Variants in DENND1A observed in about 807,000 individuals in gnomAD.
DENND1A encodes DENN domain containing 1A.
DENND1A carries 51 observed loss-of-function variants against 113.7 expected under a neutral mutation model. The ratio of observed to expected loss-of-function variants is 0.45; its 90% CI spans 0.36 to 0.57. DENND1A has a LOEUF of 0.57. Among genes scored for constraint, DENND1A ranks in the 20% least tolerant of loss-of-function variants. DENND1A has a pLI of 0.00. For missense variants in DENND1A, 1,258 were observed against 1,395.9 expected (o/e 0.90, Z 1.57); for synonymous variants, 565 against 570.8 (o/e 0.99, Z 0.14).
At chr9:123,515,154 T>A (rs546104688) in intron 13 of DENND1A, among the ~76,000 whole-genome samples, 17 of 152,362 alleles carry the variant, frequency 1.1e-4, no homozygotes, top group South Asian at 2.1e-4. Flanking sequence ...TGTGTGATCC[T>A]CGATTTGAGC....
intron 13 of DENND1A, among the ~76,000 whole-genome samples, chr9:123,512,584 T>A (rs2053549477): frequency 6.6e-6 from 1 of 152,236 alleles, no homozygotes; most frequent in Non-Finnish European, 1.5e-5. Context: ...CCACTGGCTA[T>A]TCTGCAGCCA....
At chr9:123,760,828 C>A (rs2070974716) in intron 4 of DENND1A, among the ~76,000 whole-genome samples, 1 of 152,100 alleles carries the variant, frequency 6.6e-6, no homozygotes. Flanking sequence ...GAGGGGAAAT[C>A]CTGTTTTATT....
At chr9:123,600,977 G>A (rs1326134609) in intron 11 of DENND1A, among the ~76,000 whole-genome samples, 1 of 152,158 alleles carries the variant, frequency 6.6e-6, no homozygotes, top group East Asian at 1.9e-4. Context: ...CAATCTGGCA[G>A]GAATTTGACT....
At chr9:123,900,190 A>G (rs1851386177) in intron 1 of DENND1A, among the ~76,000 whole-genome samples, 1 of 152,244 alleles carries the variant, frequency 6.6e-6, no homozygotes, top group African/African-American at 2.4e-5. Context: ...ACAAATATAA[A>G]TCCTGGGAGT....
intron 13 of DENND1A, among the ~76,000 whole-genome samples, chr9:123,481,706 T>A (rs1348487664): frequency 6.6e-6 from 1 of 152,156 alleles, no homozygotes; most frequent in Non-Finnish European, 1.5e-5. Context: ...GAGCTGAATT[T>A]GATTATGCTT....
At chr9:123,607,264 T>C (rs947692094) in intron 11 of DENND1A, among the ~76,000 whole-genome samples, 1 of 151,402 alleles carries the variant, frequency 6.6e-6, no homozygotes, top group African/African-American at 2.4e-5. Context: ...TTTGCAAGAA[T>C]CCAAGAAAGC....
intron 2 of DENND1A, among the ~76,000 whole-genome samples, chr9:123,872,317 G>T (rs777865068): frequency 6.6e-6 from 1 of 152,030 alleles, no homozygotes; most frequent in African/African-American, 2.4e-5. Context: ...TATAACAAGA[G>T]AACTTTGGAA....
chr9:123,912,376 G>T (rs973376595), intron 1 of DENND1A, among the ~76,000 whole-genome samples: 3 of 152,134 alleles, frequency 2.0e-5, no homozygotes, highest in Admixed American at 2.0e-4. Context: ...CACATTGTTG[G>T]AGCCAGAGAA....
intron 13 of DENND1A, among the ~76,000 whole-genome samples, chr9:123,473,015 C>G (rs2049575904): frequency 6.6e-6 from 1 of 152,242 alleles, no homozygotes; most frequent in Non-Finnish European, 1.5e-5. Flanking sequence ...ACGCTCACCT[C>G]TGCTGTAGCA....
intron 20 of DENND1A, among the ~76,000 whole-genome samples, chr9:123,407,168 G>A (rs1333841012): frequency 1.4e-5 from 2 of 140,292 alleles, no homozygotes; most frequent in African/African-American, 2.6e-5. Context: ...GGGGAGGGGC[G>A]GGGGGGTGGG....
rs111561874 is a variant in DENND1A, at chr9:123,786,211, C to CAA, written c.132+6374_132+6375dup. On this transcript the variant is annotated intron_variant, in intron 3 of 23. Coordinates refer to ENST00000394215, the MANE Select transcript of DENND1A (RefSeq NM_001352964.2). ...TCTAGGCAACAGAGCAAGACTGTCT[C>CAA]AAAAAAAAAAAAGAAAGAAAGAAAT... Among the ~76,000 whole-genome samples the CAA allele has an allele frequency of 5.1e-5, 7 of 136,306 alleles. No individual in the cohort carries two copies. The East Asian group carries it at 1.5e-3, about 29-fold the overall frequency. The allele number at this position is 136,306 out of a possible 152,430, so 89.4% of individuals were successfully genotyped here.
chr9:123,740,054 A>C (rs561695155), intron 5 of DENND1A, among the ~76,000 whole-genome samples: 1 of 152,296 alleles, frequency 6.6e-6, no homozygotes, highest in East Asian at 1.9e-4. Flanking sequence ...TTTTAGAATT[A>C]ATTCTTACAA....
At chr9:123,884,218 C>G (rs7848536) in intron 1 of DENND1A, among the ~76,000 whole-genome samples, 1 of 152,120 alleles carries the variant, frequency 6.6e-6, no homozygotes, top group African/African-American at 2.4e-5. Context: ...CTTGAGATTG[C>G]TTATCCCTCC....
intron 13 of DENND1A, among the ~76,000 whole-genome samples, chr9:123,493,902 A>G (rs762310358): frequency 9.7e-4 from 147 of 152,182 alleles, no homozygotes; most frequent in Non-Finnish European, 1.7e-3. Context: ...AATTTGAAAG[A>G]AAAGCAAACA....
chr9:123,683,854 T>C (rs2064630570), intron 5 of DENND1A, among the ~76,000 whole-genome samples: 2 of 152,248 alleles, frequency 1.3e-5, no homozygotes, highest in African/African-American at 4.8e-5. Flanking sequence ...CTATAGGTTC[T>C]ATTAAGGCCA....
intron 9 of DENND1A, among the ~76,000 whole-genome samples, chr9:123,640,572 T>C (rs2061976301): frequency 6.6e-6 from 1 of 152,216 alleles, no homozygotes; most frequent in Admixed American, 6.5e-5. Flanking sequence ...GATCCTAATA[T>C]TCAGAAGTCT....
rs368827331 is a variant in DENND1A, at chr9:123,590,326, T to C, written c.766-7056A>G. Among the ~76,000 whole-genome samples the C allele has an allele frequency of 3.7e-4, 57 of 152,266 alleles. No individual in the cohort carries two copies. The East Asian group carries it at 4.2e-3, about 11-fold the overall frequency. On this transcript the variant is annotated intron_variant, in intron 11 of 23. Transcript: ENST00000394215. ...TCTACTCTCAGCTCCTACTCCAATA[T>C]TTGCCCAAGAGCAGACAATTCGTGA...
intron 9 of DENND1A, among the ~76,000 whole-genome samples, chr9:123,636,672 A>T (rs1258705185): frequency 6.7e-6 from 1 of 149,314 alleles, no homozygotes. Flanking sequence ...TCACACCATG[A>T]GGAAGAATAG....
rs147371193 is a variant in DENND1A, at chr9:123,458,868, A to G, written c.994-971T>C. Among the ~76,000 whole-genome samples the G allele has an allele frequency of 1.9e-3, 293 of 152,318 alleles. 2 individuals are homozygous for G. Among genetic ancestry groups the G allele is most frequent in the African/African-American group, 6.0e-3 (250 of 41,578 alleles). On this transcript the variant is annotated intron_variant, in intron 13 of 23. Coordinates refer to ENST00000394215, the MANE Select transcript of DENND1A (RefSeq NM_001352964.2). ...CCCAGTTACTTAGGAAAGCTGAGGC[A>G]GGAGAATCGCTTGAACCTGGAGGCA...
Sources: gnomAD v4.1 joint callset for allele counts (sites outside exome capture counted in the v4.1 genomes callset) on GRCh38, gnomAD v4.1.1 for gene constraint, MANE v1.5 for transcripts, NCBI Gene and HGNC (gene_info 2026-07-23, HGNC 2026-07-21) for gene names.